Variants in FGF10 observed in about 807,000 individuals in gnomAD.
The protein encoded by FGF10 is fibroblast growth factor 10.
FGF10 carries 2 observed loss-of-function variants against 19.8 expected under a neutral mutation model. The ratio of observed to expected loss-of-function variants is 0.10; its 90% confidence interval spans 0.04 to 0.32. The LOEUF is 0.32. Ranked by LOEUF, FGF10 falls within the 10% of genes least tolerant of loss-of-function variation. FGF10 has a pLI of 1.00. For synonymous variants in FGF10, 112 were observed against 94.0 expected, an observed-to-expected ratio of 1.19 and a Z score of -1.10; for missense variants, 191 against 246.3, an observed-to-expected ratio of 0.78 and a Z score of 1.50.
intron 1 of FGF10, among the ~76,000 whole-genome samples, chr5:44,370,296 C>T (rs1741714770): frequency 1.3e-5 from 2 of 152,208 alleles, no homozygotes; most frequent in South Asian, 4.1e-4. Context: ...TATCTGTGGG[C>T]ATTCTATCTC....
intron 1 of FGF10, among the ~76,000 whole-genome samples, chr5:44,365,172 T>C (rs1472402529): frequency 1.3e-5 from 2 of 151,752 alleles, no homozygotes; most frequent in East Asian, 2.0e-4. Flanking sequence ...GCTCCTTCCA[T>C]ACCTAAGACC....
At chr5:44,356,373 C>A (rs1284604449) in intron 1 of FGF10, among the ~76,000 whole-genome samples, 2 of 151,480 alleles carry the variant, frequency 1.3e-5, no homozygotes, top group Non-Finnish European at 3.0e-5. Context: ...ATTAGCTGAT[C>A]TACCTAACAC....
chr5:44,305,319 A>C, intron 2 of FGF10, 127 bp from the exon 3 acceptor site: 1 of 768,086 alleles, frequency 1.3e-6, no homozygotes, highest in East Asian at 2.6e-5. Context: ...TAAGTTGTGC[A>C]CTTAATACAT....
chr5:44,367,854 T>C (rs1278514442), intron 1 of FGF10, among the ~76,000 whole-genome samples: 2 of 151,778 alleles, frequency 1.3e-5, no homozygotes, highest in African/African-American at 4.8e-5. Flanking sequence ...TTTTTTTTTT[T>C]TTTAAGTCTA....
rs775309373 is a variant in FGF10, at chr5:44,316,692, A to C, written c.326-6162T>G. Among the ~76,000 whole-genome samples, 12 of 152,220 alleles carry C rather than the reference A, an allele frequency of 7.9e-5. No individual in the cohort carries two copies. In the South Asian group the frequency reaches 1.9e-3, roughly 24 times the overall value. ...AAGTAATAGCGGCAGCTTAACAACA[A>C]GAAAAATTTTAAACAATGTGGAAAA... On this transcript the variant is annotated intron_variant, in intron 1 of 2. Transcript: ENST00000264664.
At chr5:44,350,102 C>T (rs890708000) in intron 1 of FGF10, among the ~76,000 whole-genome samples, 1 of 150,844 alleles carries the variant, frequency 6.6e-6, no homozygotes, top group African/African-American at 2.4e-5. Flanking sequence ...ACGTCAAAAA[C>T]TGAGATAATA....
intron 1 of FGF10, among the ~76,000 whole-genome samples, chr5:44,345,194 A>T (rs926661428): frequency 6.6e-6 from 1 of 151,918 alleles, no homozygotes; most frequent in Non-Finnish European, 1.5e-5. Context: ...GACCTTAAAA[A>T]TAGTCTTCAA....
At chr5:44,317,463 C>A (rs1199460835) in intron 1 of FGF10, among the ~76,000 whole-genome samples, 3 of 152,106 alleles carry the variant, frequency 2.0e-5, no homozygotes, top group Admixed American at 2.0e-4. Flanking sequence ...TATATTTAAC[C>A]AATATTGTCA....
At chr5:44,356,382 A>T (rs141516249) in intron 1 of FGF10, among the ~76,000 whole-genome samples, 1 of 151,596 alleles carries the variant, frequency 6.6e-6, no homozygotes, top group East Asian at 2.0e-4. Context: ...TCTACCTAAC[A>T]CTTTATTACA....
At chr5:44,329,010 A>G (rs1407388188) in intron 1 of FGF10, among the ~76,000 whole-genome samples, 1 of 152,144 alleles carries the variant, frequency 6.6e-6, no homozygotes, top group Non-Finnish European at 1.5e-5. Context: ...ATAAATAAAT[A>G]GCCTAAGAAG....
chr5:44,354,528 C>A (rs1268258056), intron 1 of FGF10, among the ~76,000 whole-genome samples: 1 of 151,424 alleles, frequency 6.6e-6, no homozygotes, highest in Non-Finnish European at 1.5e-5. Context: ...TTCAGAGACA[C>A]TAATTTTGTT....
At chr5:44,388,274 G>C in intron 1 of FGF10, 84 bp downstream of exon 1, 3 of 1,260,048 alleles carry the variant, frequency 2.4e-6, no homozygotes, top group Non-Finnish European at 3.5e-6. Context: ...ATATTTAGCT[G>C]GCCACATCTG....
chr5:44,352,398 G>A (rs1741255945), intron 1 of FGF10, among the ~76,000 whole-genome samples: 1 of 151,578 alleles, frequency 6.6e-6, no homozygotes, highest in African/African-American at 2.4e-5. Flanking sequence ...ACCAGGGCCA[G>A]GGTACAAGCC....
At chr5:44,315,058 C>T (rs1740305079) in intron 1 of FGF10, among the ~76,000 whole-genome samples, 1 of 151,754 alleles carries the variant, frequency 6.6e-6, no homozygotes, top group South Asian at 2.1e-4. Context: ...GTGTATTAAG[C>T]ACCAGTGTGC....
chr5:44,302,282 G>GCTTCCTTC lies in FGF10; in HGVS notation c.*2705_*2712dup, dbSNP rs56194673. On this transcript the variant is annotated 3_prime_UTR_variant, in exon 3 of 3. Transcript: ENST00000264664. ...TCTTTCCTTCCTTCCTTCTTTCCTT[G>GCTTCCTTC]CTTCCTTCCTTCCTTCCTTCCTTCC... Among the ~76,000 whole-genome samples the GCTTCCTTC allele has an allele frequency of 0.014, 1,724 of 122,168 alleles. 36 individuals are homozygous for GCTTCCTTC. Among genetic ancestry groups the GCTTCCTTC allele is most frequent in the East Asian group, 0.06 (226 of 3,780 alleles). The allele number at this position is 122,168 out of a possible 152,430, so 80.1% of individuals were successfully genotyped here.
chr5:44,365,544 T>G (rs1196572893), intron 1 of FGF10, among the ~76,000 whole-genome samples: 1 of 151,898 alleles, frequency 6.6e-6, no homozygotes, highest in Non-Finnish European at 1.5e-5. Context: ...ACAGTATGCT[T>G]GCAATGAAAA....
At chr5:44,367,701 A>G (rs1043260827) in intron 1 of FGF10, among the ~76,000 whole-genome samples, 7 of 152,068 alleles carry the variant, frequency 4.6e-5, no homozygotes, top group Non-Finnish European at 7.4e-5. Flanking sequence ...AGCATTCAAT[A>G]TCATTAGTTA....
At position 44,344,044 on chromosome 5, in the gene FGF10, A is replaced by G. The variant is rs566445147; in HGVS notation, c.326-33514T>C. Among the ~76,000 whole-genome samples, 29 of 152,044 alleles carry G rather than the reference A, an allele frequency of 1.9e-4. 1 individual carries two copies. Among genetic ancestry groups the G allele is most frequent in the Admixed American group, 1.9e-3 (29 of 15,234 alleles). On this transcript the variant is annotated intron_variant, in intron 1 of 2. Coordinates refer to ENST00000264664, the MANE Select transcript of FGF10 (RefSeq NM_004465.2). ...CTGAATGCAGACAGATCAAAGCACA[A>G]CTCTGATTAAAGAACTAGAGGTGAA... is the stretch of plus-strand genomic sequence containing the variant.
Position 44,388,817 on chromosome 5 carries a change from G to C in FGF10, c.-135C>G. ...CTCCCTCTGGGCGCGGATCTGGCCA[G>C]AAGTGAATGCACCAACATCCATAAC... is the stretch of plus-strand genomic sequence containing the variant. On this transcript the variant is annotated 5_prime_UTR_variant, in exon 1 of 3. Transcript: ENST00000264664. 2 of 844,288 alleles carry C rather than the reference G, an allele frequency of 2.4e-6. No individual in the cohort carries two copies. Among genetic ancestry groups the C allele is most frequent in the Non-Finnish European group, 4.0e-6 (2 of 503,928 alleles). The allele number at this position is 844,288 out of a possible 1,614,324, so 52.3% of individuals were successfully genotyped here.
Sources: gnomAD v4.1 joint callset for allele counts (sites outside exome capture counted in the v4.1 genomes callset) on GRCh38, gnomAD v4.1.1 for gene constraint, MANE v1.5 for transcripts, NCBI Gene and HGNC (gene_info 2026-07-23, HGNC 2026-07-21) for gene names.